Variants in CUBN observed in about 807,000 individuals in gnomAD.
CUBN encodes cubilin, also known as 460 kDa receptor.
A neutral mutation model predicts 405.3 loss-of-function variants in CUBN; 282 were observed. That is an observed-to-expected ratio of 0.70 (90% confidence interval 0.63 to 0.77). CUBN has a LOEUF of 0.77. Among genes scored for constraint, CUBN ranks in the 30% least tolerant of loss-of-function variants. The pLI is 0.00. For synonymous variants in CUBN, 1,684 were observed against 1,617.0 expected, an observed-to-expected ratio of 1.04 and a Z score of -0.99; for missense variants, 4,514 against 4,475.2, an observed-to-expected ratio of 1.01 and a Z score of -0.25.
chr10:17,105,684 C>G, intron 10 of CUBN, 109 bp from the exon 11 acceptor site: 1 of 714,930 alleles, frequency 1.4e-6, no homozygotes. Context: ...AACATCCAGT[C>G]TGTGTATTTT....
chr10:16,892,007 A>C (rs1473374876), intron 54 of CUBN, among the ~76,000 whole-genome samples: 1 of 152,170 alleles, frequency 6.6e-6, no homozygotes, highest in Non-Finnish European at 1.5e-5. Context: ...AATGATACCA[A>C]ATTACTCATT....
Position 16,947,254 on chromosome 10 carries a change from GGT to G in CUBN, c.5321_5322del (p.Asn1774ThrfsTer26). On this transcript the variant is annotated frameshift_variant, in exon 36 of 67. Coordinates refer to ENST00000377833, the MANE Select transcript of CUBN (RefSeq NM_001081.4). LOFTEE classifies it high-confidence loss of function. ...ATTTACATAAAAGACAGCTGGAGCC[GGT>G]TGCCAGGGGAACTGACGATGTTCCA... ...CVWNIVSSPGNRLQLSFISFQ... is the reference protein window; with the variant it reads ...CVWNIVSSPGXRLQLSFISFQ... 6.2e-7 allele frequency: 1 copy of G among 1,614,100 alleles called. No individual in the cohort carries two copies. Among genetic ancestry groups the G allele is most frequent in the Non-Finnish European group, 8.5e-7 (1 of 1,179,972 alleles).
chr10:16,861,656 A>G (rs118129393), intron 59 of CUBN, among the ~76,000 whole-genome samples: 1 of 152,186 alleles, frequency 6.6e-6, no homozygotes, highest in East Asian at 1.9e-4. Context: ...ATCGACCTCA[A>G]TGAGATGTAC....
rs1344210675 is a variant in CUBN, at chr10:16,895,752, A to G, written c.8598+3244T>C. Among the ~76,000 whole-genome samples the G allele has an allele frequency of 2.0e-5, 3 of 151,914 alleles. No homozygotes were observed. The East Asian group carries it at 5.8e-4, about 29-fold the overall frequency. ...TAACCTTTGCATGACATCCTTTTCCATCCTTTTACTTTTCATGTACCTACG... is the reference window on the plus strand; with the variant it reads ...TAACCTTTGCATGACATCCTTTTCCGTCCTTTTACTTTTCATGTACCTACG... On this transcript the variant is annotated intron_variant, in intron 54 of 66. Transcript: ENST00000377833.
intron 16 of CUBN, among the ~76,000 whole-genome samples, chr10:17,084,957 T>A (rs1836072995): frequency 6.6e-6 from 1 of 152,184 alleles, no homozygotes; most frequent in African/African-American, 2.4e-5. Context: ...AGGGGACAAG[T>A]AAAGATGTTC....
At chr10:16,898,907 T>C (rs1841274594) in intron 54 of CUBN, 89 bp downstream of exon 54, 1 of 1,026,776 alleles carries the variant, frequency 9.7e-7, no homozygotes, top group African/African-American at 1.6e-5. Flanking sequence ...AAAATTTTCT[T>C]ACTTTGAGCG....
chr10:17,127,431 A>ATTTTTTT (rs71268608), intron 3 of CUBN, among the ~76,000 whole-genome samples: 1 of 85,924 alleles, frequency 1.2e-5, no homozygotes, highest in African/African-American at 4.6e-5. Flanking sequence ...ATGCCCAGCT[A>ATTTTTTT]TTTTTTTTTT....
chr10:16,968,823 C>A (rs1032462653), intron 31 of CUBN, among the ~76,000 whole-genome samples: 6 of 152,184 alleles, frequency 3.9e-5, no homozygotes, highest in African/African-American at 1.4e-4. Context: ...AAGGCCATGC[C>A]CAGCCGATGG....
At chr10:16,943,952 GA>G (rs1172231638) in intron 36 of CUBN, among the ~76,000 whole-genome samples, 1 of 152,196 alleles carries the variant, frequency 6.6e-6, no homozygotes, top group Non-Finnish European at 1.5e-5. Flanking sequence ...ATTATGCTTG[GA>G]AGTCTTTGCT....
chr10:16,990,938 A>C (rs1437741389), intron 28 of CUBN, among the ~76,000 whole-genome samples: 3 of 152,208 alleles, frequency 2.0e-5, no homozygotes, highest in Admixed American at 6.5e-5. Context: ...TAGCTAATAC[A>C]TTATTCTGCA....
chr10:17,062,244 AG>A (rs767477936), intron 22 of CUBN, among the ~76,000 whole-genome samples: 8 of 152,212 alleles, frequency 5.3e-5, no homozygotes, highest in Admixed American at 2.0e-4. Flanking sequence ...CAGTTTGAAA[AG>A]CACTGGACTA....
chr10:16,934,550 G>T (rs1842448247), intron 39 of CUBN, among the ~76,000 whole-genome samples: 1 of 152,136 alleles, frequency 6.6e-6, no homozygotes, highest in South Asian at 2.1e-4. Flanking sequence ...TCCTCTATGT[G>T]AAATATTTCT....
At chr10:16,965,813 T>C (rs1843376487) in intron 31 of CUBN, 1 of 321,098 alleles carries the variant, frequency 3.1e-6, no homozygotes, top group South Asian at 2.4e-5. Flanking sequence ...CAGACACTGA[T>C]AGGTACTTAA....
chr10:17,010,821 T>A (rs1834159736), intron 28 of CUBN, among the ~76,000 whole-genome samples: 1 of 152,180 alleles, frequency 6.6e-6, no homozygotes. Flanking sequence ...CCATACATAT[T>A]TTAACAGACA....
intron 59 of CUBN, among the ~76,000 whole-genome samples, chr10:16,862,333 TAC>T (rs1431226721): frequency 6.6e-6 from 1 of 152,168 alleles, no homozygotes; most frequent in Non-Finnish European, 1.5e-5. Context: ...ACAGACAAAT[TAC>T]TTAATCTCTT....
At chr10:17,082,409 C>T (rs969946043) in intron 17 of CUBN, among the ~76,000 whole-genome samples, 9 of 152,106 alleles carry the variant, frequency 5.9e-5, no homozygotes, top group Admixed American at 2.6e-4. Context: ...ATTTTTTGTG[C>T]AAACTTTTCA....
chr10:17,032,964 T>G (rs886677646), intron 27 of CUBN, among the ~76,000 whole-genome samples: 2 of 152,190 alleles, frequency 1.3e-5, no homozygotes, highest in Admixed American at 1.3e-4. Flanking sequence ...TTCGATCTCA[T>G]GCTTCCTCCC....
intron 4 of CUBN, among the ~76,000 whole-genome samples, chr10:17,126,083 C>G (rs1837176651): frequency 6.6e-6 from 1 of 152,142 alleles, no homozygotes; most frequent in Admixed American, 6.5e-5. Context: ...ATGAGCAAAA[C>G]AGATGAAGAA....
At chr10:16,831,755 G>A (rs1839003010) in intron 64 of CUBN, among the ~76,000 whole-genome samples, 1 of 152,172 alleles carries the variant, frequency 6.6e-6, no homozygotes, top group Non-Finnish European at 1.5e-5. Flanking sequence ...TGTAGGTAAA[G>A]TGAATTTTTA....
Sources: gnomAD v4.1 joint callset for allele counts (sites outside exome capture counted in the v4.1 genomes callset) on GRCh38, gnomAD v4.1.1 for gene constraint, MANE v1.5 for transcripts, NCBI Gene and HGNC (gene_info 2026-07-23, HGNC 2026-07-21) for gene names.